PHACTR1: variants seen among roughly 807,000 people sequenced by gnomAD.
The protein encoded by PHACTR1 is phosphatase and actin regulator 1, also known as RPEL repeat containing 1.
A neutral mutation model predicts 69.2 loss-of-function variants in PHACTR1; 16 were observed. The ratio of observed to expected loss-of-function variants is 0.23; its 90% CI spans 0.16 to 0.35. The LOEUF (loss-of-function observed/expected upper bound fraction) is 0.35. PHACTR1 is among the 10% of genes least tolerant of loss of function. The pLI is 1.00. For missense variants in PHACTR1, 510 were observed against 734.7 expected (o/e 0.69, Z 3.54); for synonymous variants, 312 against 284.5 (o/e 1.10, Z -0.97).
At chr6:13,024,874 G>A (rs1342924758) in intron 4 of PHACTR1, among the ~76,000 whole-genome samples, 1 of 152,176 alleles carries the variant, frequency 6.6e-6, no homozygotes, top group African/African-American at 2.4e-5. Flanking sequence ...GAATATCAAT[G>A]CAGATTCCTG....
intron 4 of PHACTR1, among the ~76,000 whole-genome samples, chr6:12,789,283 T>C (rs1771930113): frequency 6.6e-6 from 1 of 152,160 alleles, no homozygotes; most frequent in African/African-American, 2.4e-5. Flanking sequence ...TTGGTAAACC[T>C]TCCTTGTGTG....
intron 4 of PHACTR1, among the ~76,000 whole-genome samples, chr6:12,763,482 A>G (rs962707195): frequency 6.6e-6 from 1 of 152,222 alleles, no homozygotes; most frequent in African/African-American, 2.4e-5. Context: ...AAACCCAATT[A>G]TACGAACAAT....
At chr6:12,830,103 AAGAAAGAAAGAAAGAAAGAAAGAAAG>A (rs1199138766) in intron 4 of PHACTR1, among the ~76,000 whole-genome samples, 6 of 25,870 alleles carry the variant, frequency 2.3e-4, no homozygotes, top group Non-Finnish European at 7.3e-4. Flanking sequence ...GAAAGAAAGA[AAGAAAGAAAGAAAGAAAGAAAGAAAG>A]AAAGAAAGAA....
At chr6:13,204,571 T>A (rs1765645515) in intron 7 of PHACTR1, among the ~76,000 whole-genome samples, 2 of 152,130 alleles carry the variant, frequency 1.3e-5, no homozygotes, top group African/African-American at 4.8e-5. Context: ...GCCCCTCAAA[T>A]GTGGAGCATC....
At chr6:12,879,814 C>T (rs1235472793) in intron 4 of PHACTR1, among the ~76,000 whole-genome samples, 1 of 152,178 alleles carries the variant, frequency 6.6e-6, no homozygotes, top group Non-Finnish European at 1.5e-5. Context: ...ACCTTTACTT[C>T]TCTACCCCAC....
At chr6:13,206,275 C>A in intron 8 of PHACTR1, 139 bp downstream of exon 8, 22 of 925,562 alleles carry the variant, frequency 2.4e-5, no homozygotes, top group South Asian at 6.7e-5. Flanking sequence ...TAAAATGAGA[C>A]AAAAAACTGA....
intron 4 of PHACTR1, among the ~76,000 whole-genome samples, chr6:12,883,279 T>C (rs889697246): frequency 3.9e-5 from 6 of 152,118 alleles, no homozygotes; most frequent in Admixed American, 6.5e-5. Flanking sequence ...AGTGGTGCCA[T>C]CTCGGCTCAC....
chr6:12,957,771 C>T (rs1387649892), intron 4 of PHACTR1: 6 of 985,484 alleles, frequency 6.1e-6, no homozygotes, highest in African/African-American at 1.7e-5. Flanking sequence ...ATCCATCCCC[C>T]GACTTTGGTT....
intron 4 of PHACTR1, among the ~76,000 whole-genome samples, chr6:12,908,769 C>G (rs943429513): frequency 6.6e-6 from 1 of 152,084 alleles, no homozygotes; most frequent in Admixed American, 6.6e-5. Context: ...TGCTGGATGC[C>G]CAAGCGGTAG....
At chr6:12,999,337 C>T (rs1325166969) in intron 4 of PHACTR1, among the ~76,000 whole-genome samples, 8 of 152,160 alleles carry the variant, frequency 5.3e-5, no homozygotes, top group Non-Finnish European at 1.0e-4. Flanking sequence ...TGGTGGCTCA[C>T]GCCTGTAATC....
intron 5 of PHACTR1, among the ~76,000 whole-genome samples, chr6:13,124,001 G>A (rs1819135955): frequency 6.6e-6 from 1 of 152,170 alleles, no homozygotes; most frequent in African/African-American, 2.4e-5. Context: ...TTAGCTGGGT[G>A]GGGGATGCAG....
intron 4 of PHACTR1, among the ~76,000 whole-genome samples, chr6:12,846,124 C>CT: frequency 6.6e-6 from 1 of 152,302 alleles, no homozygotes; most frequent in African/African-American, 2.4e-5. Flanking sequence ...AACATGAAGA[C>CT]TTTCGCTCTC....
rs115857211 is a variant in PHACTR1, at chr6:12,986,679, C to T, written c.251-66686C>T. Among the ~76,000 whole-genome samples, 498 of 152,262 alleles carry T rather than the reference C, an allele frequency of 3.3e-3. 1 individual carries two copies. Among genetic ancestry groups the T allele is most frequent in the African/African-American group, 0.012 (484 of 41,544 alleles). ...GATAGATGTGCATATGCATGCCAGA[C>T]CCCATGATGCCAGCATAGAAGACAC... On this transcript the variant is annotated intron_variant, in intron 4 of 14. Transcript: ENST00000332995.
At chr6:13,148,807 T>C (rs1462662300) in intron 5 of PHACTR1, among the ~76,000 whole-genome samples, 1 of 152,238 alleles carries the variant, frequency 6.6e-6, no homozygotes, top group African/African-American at 2.4e-5. Flanking sequence ...TACTCTGTAG[T>C]ACTGGGCTGC....
At chr6:12,759,336 T>G (rs936658709) in intron 4 of PHACTR1, among the ~76,000 whole-genome samples, 1 of 152,072 alleles carries the variant, frequency 6.6e-6, no homozygotes, top group African/African-American at 2.4e-5. Flanking sequence ...GTTACAAAAA[T>G]GCGAATTATG....
intron 10 of PHACTR1, among the ~76,000 whole-genome samples, chr6:13,270,964 CAAGA>C (rs1435938808): frequency 6.7e-6 from 1 of 149,598 alleles, no homozygotes; most frequent in South Asian, 2.1e-4. Flanking sequence ...AAAGCAGGAG[CAAGA>C]GAGAGAGAGA....
chr6:13,068,415 T>C (rs1454506667), intron 5 of PHACTR1, among the ~76,000 whole-genome samples: 1 of 152,230 alleles, frequency 6.6e-6, no homozygotes, highest in African/African-American at 2.4e-5. Context: ...TACTTTGCGC[T>C]AAGTTTTATC....
At chr6:13,277,958 A>C (rs1189284886) in intron 11 of PHACTR1, 2 of 181,388 alleles carry the variant, frequency 1.1e-5, no homozygotes, top group Non-Finnish European at 2.4e-5. Flanking sequence ...AAAAAAAAAA[A>C]AAAAACCTAC....
At chr6:13,091,819 A>T (rs991549721) in intron 5 of PHACTR1, among the ~76,000 whole-genome samples, 1 of 151,814 alleles carries the variant, frequency 6.6e-6, no homozygotes, top group Non-Finnish European at 1.5e-5. Flanking sequence ...TTTTTTTGAG[A>T]TGGAGTCTCC....
Sources: allele counts gnomAD v4.1 joint callset (sites outside exome capture counted in the v4.1 genomes callset), GRCh38; gene constraint gnomAD v4.1.1; transcripts MANE v1.5; gene names NCBI Gene and HGNC (gene_info 2026-07-23, HGNC 2026-07-21).